LDLRAD4: variants seen among roughly 807,000 people sequenced by gnomAD.
The protein encoded by LDLRAD4 is low density lipoprotein receptor class A domain containing 4.
LDLRAD4 carries 5 observed loss-of-function variants against 17.0 expected under a neutral mutation model. The ratio of observed to expected loss-of-function variants is 0.29; its 90% confidence interval spans 0.15 to 0.62. LDLRAD4 has a LOEUF of 0.62. LDLRAD4 is among the 20% of genes least tolerant of loss of function. The pLI is 0.84. For missense variants in LDLRAD4, 340 were observed against 424.7 expected, an observed-to-expected ratio of 0.80 and a Z score of 1.75; for synonymous variants, 168 against 171.8, an observed-to-expected ratio of 0.98 and a Z score of 0.17.
chr18:13,325,063 GGTCTT>G (rs2081448626), intron 1 of LDLRAD4, among the ~76,000 whole-genome samples: 2 of 152,140 alleles, frequency 1.3e-5, no homozygotes, highest in Non-Finnish European at 2.9e-5. Flanking sequence ...GATGATTTCT[GGTCTT>G]GTCTTTGTGC....
intron 3 of LDLRAD4, among the ~76,000 whole-genome samples, chr18:13,514,123 TA>T (rs1224791798): frequency 1.3e-5 from 2 of 152,224 alleles, no homozygotes; most frequent in African/African-American, 4.8e-5. Flanking sequence ...TAACTTCTAG[TA>T]AACTGTATAT....
At chr18:13,593,773 C>G (rs2095058201) in intron 3 of LDLRAD4, among the ~76,000 whole-genome samples, 1 of 152,094 alleles carries the variant, frequency 6.6e-6, no homozygotes, top group Non-Finnish European at 1.5e-5. Flanking sequence ...TACCCTCCTC[C>G]CTCTTTATTT....
At chr18:13,540,134 A>G (rs938633939) in intron 3 of LDLRAD4, among the ~76,000 whole-genome samples, 1 of 152,228 alleles carries the variant, frequency 6.6e-6, no homozygotes, top group Non-Finnish European at 1.5e-5. Context: ...AGTAAAACAG[A>G]ATATTTTGTT....
chr18:13,512,265 A>C (rs2093793701), intron 3 of LDLRAD4, among the ~76,000 whole-genome samples: 1 of 152,146 alleles, frequency 6.6e-6, no homozygotes, highest in Non-Finnish European at 1.5e-5. Flanking sequence ...GACTGAAATA[A>C]ACCTCCACCA....
intron 3 of LDLRAD4, among the ~76,000 whole-genome samples, chr18:13,447,342 C>T (rs971807793): frequency 7.2e-5 from 11 of 152,284 alleles, no homozygotes; most frequent in Non-Finnish European, 1.3e-4. Context: ...AGCCTCACAC[C>T]CTCCCCTCCC....
In LDLRAD4 at chr18:13,539,272, C is replaced by T. The variant is rs564010850; in HGVS notation, c.182-81845C>T. On this transcript the variant is annotated intron_variant, in intron 3 of 5. Transcript: ENST00000359446. ...GTGACTGTGTGAGCGCAAGGACCCA[C>T]GTCAGGGAGCAACTGTGTGCTTGTT... 7.9e-5 allele frequency among the ~76,000 whole-genome samples: 12 copies of T among 152,250 alleles called. No homozygotes were observed. In the East Asian group the frequency reaches 1.9e-3, roughly 24 times the overall value.
At chr18:13,234,344 G>A (rs2042231064) in intron 1 of LDLRAD4, among the ~76,000 whole-genome samples, 1 of 150,834 alleles carries the variant, frequency 6.6e-6, no homozygotes, top group Non-Finnish European at 1.5e-5. Flanking sequence ...CTTTGCCCTA[G>A]GAGGCCTTCC....
chr18:13,243,895 C>T (rs1279659442), intron 1 of LDLRAD4, among the ~76,000 whole-genome samples: 2 of 132,880 alleles, frequency 1.5e-5, no homozygotes, highest in African/African-American at 5.6e-5. Flanking sequence ...ACTCATTCAT[C>T]TCTCCATCCA....
chr18:13,423,966 C>G (rs147079342), intron 2 of LDLRAD4, among the ~76,000 whole-genome samples: 489 of 152,098 alleles, frequency 3.2e-3, no homozygotes, highest in Non-Finnish European at 4.2e-3. Context: ...GAAACCCTGT[C>G]TCTACTAAAA....
intron 3 of LDLRAD4, among the ~76,000 whole-genome samples, chr18:13,541,566 C>T (rs1212591615): frequency 2.0e-5 from 3 of 152,158 alleles, no homozygotes; most frequent in African/African-American, 7.2e-5. Context: ...TGGTCTTTCT[C>T]ATAGAAAGAC....
At chr18:13,601,031 A>G (rs945095266) in intron 3 of LDLRAD4, among the ~76,000 whole-genome samples, 1 of 152,200 alleles carries the variant, frequency 6.6e-6, no homozygotes, top group South Asian at 2.1e-4. Context: ...TTTAGGGAGG[A>G]TGGGCACCTG....
chr18:13,321,921 A>G (rs2081266309), intron 1 of LDLRAD4, among the ~76,000 whole-genome samples: 1 of 133,582 alleles, frequency 7.5e-6, no homozygotes, highest in African/African-American at 2.8e-5. Context: ...AAAGAATAAA[A>G]AGAATAAACA....
intron 3 of LDLRAD4, among the ~76,000 whole-genome samples, chr18:13,525,732 C>T (rs2094020253): frequency 6.6e-6 from 1 of 152,190 alleles, no homozygotes; most frequent in Non-Finnish European, 1.5e-5. Context: ...GCGCCTGGGT[C>T]CCAGGGAGAG....
At chr18:13,298,483 C>T (rs1482709657) in intron 1 of LDLRAD4, among the ~76,000 whole-genome samples, 2 of 140,638 alleles carry the variant, frequency 1.4e-5, no homozygotes, top group East Asian at 4.3e-4. Context: ...GATGGAGCTG[C>T]TCCGGGCACG....
At chr18:13,384,008 C>G (rs1296927639) in intron 1 of LDLRAD4, among the ~76,000 whole-genome samples, 1 of 152,176 alleles carries the variant, frequency 6.6e-6, no homozygotes, top group Admixed American at 6.5e-5. Context: ...GATGCGGTAA[C>G]ACAGCTGTGT....
intron 4 of LDLRAD4, among the ~76,000 whole-genome samples, chr18:13,640,169 T>G (rs1052705502): frequency 4.6e-4 from 70 of 151,726 alleles, no homozygotes; most frequent in African/African-American, 1.6e-3. Context: ...GGCGGGCGCC[T>G]GTAGTCCCAT....
At chr18:13,650,291 G>C in exon 6 of LDLRAD4, 2 of 405,806 alleles carry the variant, frequency 4.9e-6, no homozygotes, top group Non-Finnish European at 8.7e-6. Flanking sequence ...GGATGCATTA[G>C]GAAGCTGCTG....
chr18:13,620,961 A>C, intron 3 of LDLRAD4, 156 bp from the exon 5 acceptor site: 1 of 1,069,364 alleles, frequency 9.4e-7, no homozygotes, highest in Non-Finnish European at 1.4e-6. Context: ...CTCCTTCCCT[A>C]AAGTGGGACA....
chr18:13,418,529 G>A (rs2089148678), intron 2 of LDLRAD4, among the ~76,000 whole-genome samples: 2 of 152,176 alleles, frequency 1.3e-5, no homozygotes, highest in Non-Finnish European at 2.9e-5. Flanking sequence ...TGGCTTCTGG[G>A]TCTTTATTCC....
Sources: allele counts gnomAD v4.1 joint callset (sites outside exome capture counted in the v4.1 genomes callset), GRCh38; gene constraint gnomAD v4.1.1; transcripts MANE v1.5; gene names NCBI Gene and HGNC (gene_info 2026-07-23, HGNC 2026-07-21).